Variants in ARHGEF17 observed in about 807,000 individuals in gnomAD.
ARHGEF17 encodes the protein 164 kDa Rho-specific guanine-nucleotide exchange factor.
A neutral mutation model predicts 174.0 loss-of-function variants in ARHGEF17; 80 were observed. The ratio of observed to expected loss-of-function variants is 0.46; its 90% CI spans 0.38 to 0.55. The LOEUF is 0.55. Among genes scored for constraint, ARHGEF17 ranks in the 20% least tolerant of loss-of-function variants. The pLI is 0.00. For synonymous variants in ARHGEF17, 1,311 were observed against 1,189.1 expected (o/e 1.10, Z -2.11); for missense variants, 2,886 against 2,839.7 (o/e 1.02, Z -0.37).
At position 73,310,097 on chromosome 11, in the gene ARHGEF17, G is replaced by C; in HGVS notation, c.1459G>C (p.Val487Leu). Reference protein sequence around the residue: ...FLRSDLSELRVRKPGGSSGDR... With the variant: ...FLRSDLSELRLRKPGGSSGDR... Reference sequence around the variant, plus strand: ...GCGCTCAGACCTTTCAGAGCTGAGGGTCCGAAAACCTGGTGGGAGCTCCGG... The same window carrying C: ...GCGCTCAGACCTTTCAGAGCTGAGGCTCCGAAAACCTGGTGGGAGCTCCGG... The change falls in exon 1 of 21, where the codon GTC becomes CTC. Residue 487 changes from valine (V) to leucine (L), a missense_variant. Physicochemically the swap from Val to Leu is conservative, Grantham distance 32 (BLOSUM62 1). Transcript: ENST00000263674. The C allele has an allele frequency of 6.2e-7, 1 of 1,614,128 alleles. No individual in the cohort carries two copies.
At position 73,321,171 on chromosome 11, in the gene ARHGEF17, C is replaced by T. The variant is rs865970352; in HGVS notation, c.3192+9341C>T. Among the ~76,000 whole-genome samples the T allele has an allele frequency of 3.9e-5, 6 of 152,358 alleles. No homozygotes were observed. In the Middle Eastern group the frequency reaches 0.014, roughly 345 times the overall value. ...GGCCTGGCTACAGTACCCACATAGT[C>T]AGTGGCTCCGAGCCTGGTTCTCTGG... On this transcript the variant is annotated intron_variant, in intron 1 of 20. Coordinates refer to ENST00000263674, the MANE Select transcript of ARHGEF17 (RefSeq NM_014786.4).
chr11:73,361,039 T>C (rs774356509), intron 11 of ARHGEF17, 49 bp from the exon 12 acceptor site: 166 of 1,509,628 alleles, frequency 1.1e-4, no homozygotes, highest in Non-Finnish European at 1.5e-4. Flanking sequence ...CAGGGTGAGA[T>C]GGATGCTATG....
At chr11:73,367,314 A>C (rs1420978911) in intron 20 of ARHGEF17, among the ~76,000 whole-genome samples, 3 of 152,240 alleles carry the variant, frequency 2.0e-5, no homozygotes, top group African/African-American at 7.2e-5. Context: ...GGGCACTTAC[A>C]TTGTAAAAAG....
At chr11:73,355,405 C>A in intron 3 of ARHGEF17, 128 bp from the exon 4 acceptor site, 1 of 671,766 alleles carries the variant, frequency 1.5e-6, no homozygotes, top group Non-Finnish European at 2.7e-6. Context: ...TGTGCCTGAT[C>A]CCTTAGAGAT....
chr11:73,352,085 G>A (rs1591753186), intron 2 of ARHGEF17, among the ~76,000 whole-genome samples: 1 of 152,270 alleles, frequency 6.6e-6, no homozygotes, highest in East Asian at 1.9e-4. Flanking sequence ...CACTTTGGGA[G>A]GCCAAGGCAG....
At chr11:73,344,751 G>T (rs368571110) in intron 1 of ARHGEF17, among the ~76,000 whole-genome samples, 11 of 152,236 alleles carry the variant, frequency 7.2e-5, no homozygotes, top group African/African-American at 2.7e-4. Context: ...TGTGGAAACA[G>T]GGCCATTAGG....
rs113363731 is a variant in ARHGEF17, at chr11:73,309,330, G to GCTCCTC, written c.700_705dup (p.Ser234_Ser235dup). ...CCGCAGGCCGGGGCCCGGGCCTCCT[G>GCTCCTC]CTCCTCCTCCTCCATCGCCGCCTCC... is the stretch of plus-strand genomic sequence containing the variant. On this transcript the variant is annotated inframe_insertion, in exon 1 of 21. Coordinates refer to ENST00000263674, the MANE Select transcript of ARHGEF17 (RefSeq NM_014786.4). The GCTCCTC allele has an allele frequency of 1.9e-5, 30 of 1,607,624 alleles. No individual in the cohort carries two copies. The highest frequency in any genetic ancestry group is 2.2e-5 in the Non-Finnish European group (26 of 1,177,598).
intron 1 of ARHGEF17, among the ~76,000 whole-genome samples, chr11:73,314,274 G>T (rs949873746): frequency 6.6e-6 from 1 of 152,224 alleles, no homozygotes; most frequent in African/African-American, 2.4e-5. Flanking sequence ...AAGCAGAGAC[G>T]AGAGGAGCTG....
chr11:73,313,243 C>CT (rs1864871168), intron 1 of ARHGEF17, among the ~76,000 whole-genome samples: 1 of 152,176 alleles, frequency 6.6e-6, no homozygotes. Context: ...CGTTTTGAAC[C>CT]TGTCCTTCCT....
chr11:73,351,102 A>T (rs1039730597), intron 2 of ARHGEF17, among the ~76,000 whole-genome samples: 1 of 152,220 alleles, frequency 6.6e-6, no homozygotes, highest in Non-Finnish European at 1.5e-5. Context: ...CTTGTGGAGC[A>T]GCGGGCCCTG....
At position 73,346,974 on chromosome 11, in the gene ARHGEF17, C is replaced by T; in HGVS notation, c.3270+14C>T. 1 of 1,587,714 alleles carries T rather than the reference C, an allele frequency of 6.3e-7. No homozygotes were observed. Among genetic ancestry groups the T allele is most frequent in the Non-Finnish European group, 8.6e-7 (1 of 1,163,814 alleles). ...ACCCTGATGCAGGTGGGGCTCGGGG[C>T]CCACTCCCCTGAGAATGGCCTTTCT... is the stretch of plus-strand genomic sequence containing the variant. On this transcript the variant is annotated intron_variant, in intron 2 of 20. Transcript: ENST00000263674.
chr11:73,314,293 T>C (rs1311575665), intron 1 of ARHGEF17, among the ~76,000 whole-genome samples: 1 of 152,246 alleles, frequency 6.6e-6, no homozygotes, highest in Admixed American at 6.5e-5. Context: ...TGTCATTCTT[T>C]GCTTCTGGCA....
In ARHGEF17 at chr11:73,309,445, C is replaced by G; in HGVS notation, c.807C>G (p.Tyr269Ter). 6.5e-7 allele frequency: 1 copy of G among 1,540,444 alleles called. No individual in the cohort carries two copies. Among genetic ancestry groups the G allele is most frequent in the East Asian group, 2.3e-5 (1 of 44,056 alleles). The change falls in exon 1 of 21, where the codon TAC (tyrosine) becomes TAG (stop). Residue 269 changes from tyrosine (Y) to a stop codon, truncating the protein, a stop_gained. Coordinates refer to ENST00000263674, the MANE Select transcript of ARHGEF17 (RefSeq NM_014786.4). LOFTEE classifies it high-confidence loss of function. ...PQLPGAQSPA[Y>*]HGGHSSGSDD... ...TGCCTGGAGCCCAGAGTCCGGCCTA[C>G]CACGGCGGCCACTCCTCGGGCAGTG...
Position 73,308,967 on chromosome 11 carries a change from C to T in ARHGEF17, c.329C>T (p.Ala110Val). The T allele has an allele frequency of 7.3e-7, 1 of 1,363,402 alleles. No individual in the cohort carries two copies. The highest frequency in any genetic ancestry group is 9.4e-7 in the Non-Finnish European group (1 of 1,063,434). 84.5% of individuals were successfully genotyped at this position (1,363,402 alleles called of 1,614,324 possible). ...CGAGACGGAGGCGTCTTACCCGCGG[C>T]CGCGGAAGAAGCGGCCGAGGGCCCA... Reference protein sequence around the residue: ...GTRDGGVLPAAAEEAAEGPAR... With the variant: ...GTRDGGVLPAVAEEAAEGPAR... Residue 110 changes from alanine to valine, a missense_variant, in exon 1 of 21, where the codon GCC (alanine) becomes GTC (valine). Ala to Val is a moderately conservative substitution (Grantham distance 64). This residue lies in a region of ARHGEF17 where 1,728 missense variants were observed against 1,461.2 expected (regional missense o/e 1.18). Coordinates refer to ENST00000263674, the MANE Select transcript of ARHGEF17 (RefSeq NM_014786.4).
At chr11:73,344,389 A>C (rs2134409686) in intron 1 of ARHGEF17, among the ~76,000 whole-genome samples, 1 of 152,204 alleles carries the variant, frequency 6.6e-6, no homozygotes, top group Admixed American at 6.5e-5. Flanking sequence ...CGCAGGGAGG[A>C]GGCTGGGAGA....
At chr11:73,346,582 GC>G (rs1287937165) in intron 1 of ARHGEF17, among the ~76,000 whole-genome samples, 2 of 152,234 alleles carry the variant, frequency 1.3e-5, no homozygotes, top group Non-Finnish European at 2.9e-5. Context: ...TTTTTCAATA[GC>G]CTGGCAGAGG....
At chr11:73,367,311 T>TA (rs1387671446) in intron 20 of ARHGEF17, among the ~76,000 whole-genome samples, 1 of 152,146 alleles carries the variant, frequency 6.6e-6, no homozygotes, top group East Asian at 1.9e-4. Flanking sequence ...ACAGGGCACT[T>TA]ACATTGTAAA....
chr11:73,360,227 G>A lies in ARHGEF17; in HGVS notation c.4207-93G>A, dbSNP rs1172194741. 1.1e-5 allele frequency: 15 copies of A among 1,417,774 alleles called. 1 individual carries two copies. The highest frequency in any genetic ancestry group is 3.5e-5 in the Admixed American group (2 of 56,834). The allele number at this position is 1,417,774 out of a possible 1,614,324, so 87.8% of individuals were successfully genotyped here. A position where few individuals can be genotyped will look rare whatever the true frequency, so the allele number is the denominator to read the frequency against. ...GAGGGAGGAGACAGTCTCACTTGCTGTCTAAGGAGAGAGGCAGGTCCCCAC... is the reference window on the plus strand; with the variant it reads ...GAGGGAGGAGACAGTCTCACTTGCTATCTAAGGAGAGAGGCAGGTCCCCAC... On this transcript the variant is annotated intron_variant, in intron 10 of 20. Coordinates refer to ENST00000263674, the MANE Select transcript of ARHGEF17 (RefSeq NM_014786.4).
At chr11:73,349,993 G>A (rs1055332889) in intron 2 of ARHGEF17, among the ~76,000 whole-genome samples, 9 of 152,254 alleles carry the variant, frequency 5.9e-5, no homozygotes, top group Middle Eastern at 3.4e-3. Flanking sequence ...TGCATGACCC[G>A]GAGCATGTCA....
Sources: allele counts gnomAD v4.1 joint callset (sites outside exome capture counted in the v4.1 genomes callset), GRCh38; gene constraint gnomAD v4.1.1; regional missense constraint gnomAD v4.1.1; transcripts MANE v1.5; gene names NCBI Gene and HGNC (gene_info 2026-07-23, HGNC 2026-07-21).